The following HRH1 variants were observed in gnomAD, a reference collection of about 807,000 sequenced individuals.
HRH1 encodes histamine receptor H1.
A neutral mutation model predicts 10.3 loss-of-function variants in HRH1; 6 were observed. The ratio of observed to expected loss-of-function variants is 0.58; its 90% confidence interval spans 0.32 to 1.15. The LOEUF is 1.15. Among genes scored for constraint, HRH1 ranks in the 50% most tolerant of loss-of-function variants. The pLI is 0.05. For synonymous variants in HRH1, 242 were observed against 236.7 expected, an observed-to-expected ratio of 1.02 and a Z score of -0.21; for missense variants, 514 against 615.3, an observed-to-expected ratio of 0.84 and a Z score of 1.74.
At chr3:11,206,191 T>G (rs1453017824) in intron 1 of HRH1, among the ~76,000 whole-genome samples, 1 of 152,216 alleles carries the variant, frequency 6.6e-6, no homozygotes, top group Non-Finnish European at 1.5e-5. Flanking sequence ...CTCGGCCCAC[T>G]GCAACTTCTG....
chr3:11,240,986 C>T (rs1191494945), intron 1 of HRH1, among the ~76,000 whole-genome samples: 3 of 152,186 alleles, frequency 2.0e-5, no homozygotes, highest in Non-Finnish European at 4.4e-5. Context: ...CCCAAACTCT[C>T]ACTTTGTACT....
chr3:11,168,387 G>A (rs1392881511), intron 1 of HRH1, among the ~76,000 whole-genome samples: 5 of 152,200 alleles, frequency 3.3e-5, no homozygotes, highest in African/African-American at 7.2e-5. Context: ...TGTGGATGAC[G>A]CACAGAGGAA....
chr3:11,250,810 G>A (rs1939630101), intron 1 of HRH1, among the ~76,000 whole-genome samples: 1 of 152,198 alleles, frequency 6.6e-6, no homozygotes, highest in African/African-American at 2.4e-5. Flanking sequence ...GATGAGGGTG[G>A]ATGCACGGCA....
chr3:11,187,682 T>C (rs1937472357), intron 1 of HRH1, among the ~76,000 whole-genome samples: 2 of 152,226 alleles, frequency 1.3e-5, no homozygotes, highest in African/African-American at 4.8e-5. Context: ...TTAAGTCTAA[T>C]GATACTCCTG....
intron 1 of HRH1, among the ~76,000 whole-genome samples, chr3:11,177,166 C>T (rs34844288): frequency 0.15 from 22,561 of 151,554 alleles, 3,191 homozygotes; most frequent in African/African-American, 0.37. Flanking sequence ...TCAGGGAGGC[C>T]AAGTAAGGTG....
intron 1 of HRH1, among the ~76,000 whole-genome samples, chr3:11,161,795 T>G (rs1936928957): frequency 6.6e-6 from 1 of 152,226 alleles, no homozygotes; most frequent in Non-Finnish European, 1.5e-5. Context: ...GCAGCGGGTT[T>G]CACCAAGCCT....
chr3:11,146,368 G>T (rs1206816860), intron 1 of HRH1, among the ~76,000 whole-genome samples: 1 of 152,100 alleles, frequency 6.6e-6, no homozygotes, highest in Admixed American at 6.5e-5. Context: ...TCCTTTTCTG[G>T]CTTTGTAGAA....
At chr3:11,245,875 G>A (rs566896665) in intron 1 of HRH1, among the ~76,000 whole-genome samples, 7 of 151,964 alleles carry the variant, frequency 4.6e-5, no homozygotes, top group African/African-American at 1.7e-4. Context: ...CTGGCACCCC[G>A]AACTGTTTAC....
intron 1 of HRH1, among the ~76,000 whole-genome samples, chr3:11,239,920 G>T (rs1237974694): frequency 6.7e-6 from 1 of 150,120 alleles, no homozygotes; most frequent in Non-Finnish European, 1.5e-5. Flanking sequence ...TTGTCTTCTT[G>T]ATACATCAGA....
intron 1 of HRH1, among the ~76,000 whole-genome samples, chr3:11,215,732 C>T (rs771778350): frequency 5.3e-5 from 8 of 152,208 alleles, no homozygotes; most frequent in East Asian, 3.9e-4. Context: ...TGAGCCACCG[C>T]GCCCAGCCGG....
intron 1 of HRH1, among the ~76,000 whole-genome samples, chr3:11,168,261 C>T (rs904341940): frequency 1.3e-5 from 2 of 152,098 alleles, no homozygotes; most frequent in African/African-American, 4.8e-5. Flanking sequence ...GAGATGGAGT[C>T]AGAGGTCACA....
intron 1 of HRH1, among the ~76,000 whole-genome samples, chr3:11,248,034 A>T (rs1939536246): frequency 6.6e-6 from 1 of 152,158 alleles, no homozygotes; most frequent in Non-Finnish European, 1.5e-5. Flanking sequence ...TAGCTAACTC[A>T]TTTATTTGAT....
chr3:11,262,447 T>C lies in HRH1; in HGVS notation c.*1946T>C, dbSNP rs1305236652. 6.0e-6 allele frequency: 1 copy of C among 167,136 alleles called. No individual in the cohort carries two copies. The highest frequency in any genetic ancestry group is 2.4e-5 in the African/African-American group (1 of 41,466). 10.4% of individuals were successfully genotyped at this position (167,136 alleles called of 1,614,324 possible). On this transcript the variant is annotated 3_prime_UTR_variant, in exon 2 of 2. Coordinates refer to ENST00000431010, the MANE Select transcript of HRH1 (RefSeq NM_001098212.2). ...ATGTCTTTTCAAAAGGATTTACTTT[T>C]TGTAAAAAGCTTCATTCTCACTCTG...
chr3:11,255,032 T>C (rs1327474447), intron 1 of HRH1, among the ~76,000 whole-genome samples: 1 of 152,198 alleles, frequency 6.6e-6, no homozygotes, highest in East Asian at 1.9e-4. Context: ...GGAAGGCATA[T>C]CTGGACTTGT....
chr3:11,180,948 T>TACACACACACACGCACACAC (rs1937339883), intron 1 of HRH1, among the ~76,000 whole-genome samples: 1 of 121,042 alleles, frequency 8.3e-6, no homozygotes, highest in African/African-American at 3.1e-5. Flanking sequence ...CTCTCAGGCA[T>TACACACACACACGCACACAC]ACACACACAC....
At chr3:11,209,221 A>G (rs1336344890) in intron 1 of HRH1, among the ~76,000 whole-genome samples, 2 of 152,166 alleles carry the variant, frequency 1.3e-5, no homozygotes, top group Non-Finnish European at 2.9e-5. Flanking sequence ...CCTCCCAAGT[A>G]GTGGGGACTA....
In HRH1 at chr3:11,206,522, C is replaced by T. The variant is rs571733820; in HGVS notation, c.-36+51968C>T. On this transcript the variant is annotated intron_variant, in intron 1 of 1. Coordinates refer to ENST00000431010, the MANE Select transcript of HRH1 (RefSeq NM_001098212.2). ...TCCACTTCAGTGGCCAGTGTTGTTT[C>T]TAAGTGAGTTACTTAACTGACGTCA... Among the ~76,000 whole-genome samples the T allele has an allele frequency of 3.9e-5, 6 of 152,388 alleles. 1 individual carries two copies. Among genetic ancestry groups the T allele is most frequent in the African/African-American group, 1.4e-4 (6 of 41,596 alleles).
At chr3:11,246,216 C>G (rs1359206911) in intron 1 of HRH1, among the ~76,000 whole-genome samples, 1 of 152,208 alleles carries the variant, frequency 6.6e-6, no homozygotes, top group Non-Finnish European at 1.5e-5. Flanking sequence ...TCTCCCTAGG[C>G]TGCTACTCTG....
At chr3:11,146,513 G>GC (rs1936449700) in intron 1 of HRH1, among the ~76,000 whole-genome samples, 1 of 152,172 alleles carries the variant, frequency 6.6e-6, no homozygotes, top group Non-Finnish European at 1.5e-5. Flanking sequence ...GCAAGGCTGT[G>GC]CCCCACTGAA....
Sources: gnomAD v4.1 joint callset for allele counts (sites outside exome capture counted in the v4.1 genomes callset) on GRCh38, gnomAD v4.1.1 for gene constraint, MANE v1.5 for transcripts, NCBI Gene and HGNC (gene_info 2026-07-23, HGNC 2026-07-21) for gene names.